Variants in CDH9 observed in about 807,000 individuals in gnomAD.
CDH9 encodes the protein cadherin 9.
In CDH9, 28 loss-of-function variants were observed where a neutral mutation model predicts 70.9. The observed-to-expected ratio is 0.40, with a 90% confidence interval of 0.29 to 0.54. CDH9 has a LOEUF of 0.54. Ranked by LOEUF, CDH9 falls within the 20% of genes least tolerant of loss-of-function variation. The pLI is 0.59. For missense variants in CDH9, 874 were observed against 984.4 expected, an observed-to-expected ratio of 0.89 and a Z score of 1.50; for synonymous variants, 409 against 343.1, an observed-to-expected ratio of 1.19 and a Z score of -2.12.
At chr5:26,971,934 G>T (rs564770924) in intron 2 of CDH9, among the ~76,000 whole-genome samples, 6 of 152,232 alleles carry the variant, frequency 3.9e-5, no homozygotes, top group Admixed American at 3.3e-4. Context: ...ACTATTCATA[G>T]AATAAAATGG....
chr5:27,021,423 C>A (rs374423483), intron 1 of CDH9, among the ~76,000 whole-genome samples: 2 of 151,734 alleles, frequency 1.3e-5, no homozygotes, highest in South Asian at 2.1e-4. Context: ...TAATTAAAAT[C>A]TCTTCCTAAA....
At chr5:26,993,465 T>G (rs1459986609) in intron 1 of CDH9, among the ~76,000 whole-genome samples, 2 of 151,942 alleles carry the variant, frequency 1.3e-5, no homozygotes, top group African/African-American at 4.8e-5. Flanking sequence ...TCTGAAAAAT[T>G]TTCAGGCTAT....
At chr5:26,916,190 T>C in intron 2 of CDH9, among the ~76,000 whole-genome samples, 1 of 151,978 alleles carries the variant, frequency 6.6e-6, no homozygotes, top group East Asian at 1.9e-4. Context: ...AAGATATTTA[T>C]GAATAAAATG....
intron 1 of CDH9, among the ~76,000 whole-genome samples, chr5:26,992,336 A>C (rs1380862623): frequency 1.3e-5 from 2 of 152,112 alleles, no homozygotes; most frequent in Non-Finnish European, 2.9e-5. Context: ...TGATTATGTC[A>C]TGGAGGTAGA....
In CDH9 at chr5:26,952,106, G is replaced by A. The variant is rs150645605; in HGVS notation, c.228+36000C>T. On this transcript the variant is annotated intron_variant, in intron 2 of 11. Coordinates refer to ENST00000231021, the MANE Select transcript of CDH9 (RefSeq NM_016279.4). ...AGCCTCCCTAGTGGCTGAGATGACA[G>A]GTGCCTGTCACCACACCTGGCTAAT... Among the ~76,000 whole-genome samples the A allele has an allele frequency of 4.4e-3, 663 of 150,964 alleles. 4 individuals are homozygous for A. The highest frequency in any genetic ancestry group is 0.015 in the African/African-American group (621 of 41,246).
intron 1 of CDH9, among the ~76,000 whole-genome samples, chr5:27,001,836 A>ACTCTCTCTCTCTCTCTCT (rs1422833082): frequency 2.4e-5 from 3 of 124,720 alleles, no homozygotes; most frequent in African/African-American, 1.1e-4. Context: ...ACATACACAC[A>ACTCTCTCTCTCTCTCTCT]CACACACACT....
At chr5:27,001,084 G>C (rs1742759302) in intron 1 of CDH9, among the ~76,000 whole-genome samples, 1 of 151,966 alleles carries the variant, frequency 6.6e-6, no homozygotes, top group South Asian at 2.1e-4. Flanking sequence ...TTATATAAAG[G>C]CTTATTATGA....
At chr5:27,033,463 CATAG>C (rs762438152) in intron 1 of CDH9, among the ~76,000 whole-genome samples, 15 of 116,496 alleles carry the variant, frequency 1.3e-4, no homozygotes, top group South Asian at 2.3e-4. Flanking sequence ...GATATAAAGA[CATAG>C]ATAGACAGAC....
At chr5:26,919,194 G>A (rs914590955) in intron 2 of CDH9, among the ~76,000 whole-genome samples, 15 of 152,102 alleles carry the variant, frequency 9.9e-5, no homozygotes, top group African/African-American at 3.6e-4. Flanking sequence ...GTCTTGAATT[G>A]GCTGGACCAC....
intron 2 of CDH9, among the ~76,000 whole-genome samples, chr5:26,983,478 G>C (rs186338005): frequency 5.7e-4 from 87 of 152,282 alleles, no homozygotes; most frequent in African/African-American, 2.0e-3. Context: ...TGATTACACA[G>C]TATTGGCAGT....
At chr5:27,028,133 C>T (rs919468684) in intron 1 of CDH9, 5 of 152,040 alleles carry the variant, frequency 3.3e-5, no homozygotes, top group Non-Finnish European at 7.3e-5. Context: ...AATCCTAGCA[C>T]TTTGGGAAGC....
chr5:26,934,945 A>AC (rs1741532758), intron 2 of CDH9, among the ~76,000 whole-genome samples: 1 of 149,174 alleles, frequency 6.7e-6, no homozygotes, highest in South Asian at 2.1e-4. Flanking sequence ...AAAAAAAAAA[A>AC]CACAGACCAG....
intron 2 of CDH9, among the ~76,000 whole-genome samples, chr5:26,946,844 T>C (rs575918439): frequency 1.3e-5 from 2 of 152,238 alleles, no homozygotes; most frequent in East Asian, 1.9e-4. Context: ...AATAAATGAC[T>C]ACCGAATCCT....
intron 2 of CDH9, among the ~76,000 whole-genome samples, chr5:26,919,897 C>T (rs189673754): frequency 9.2e-5 from 14 of 152,252 alleles, no homozygotes; most frequent in African/African-American, 3.1e-4. Flanking sequence ...GGTAGGCAAG[C>T]AACACTTGCT....
chr5:26,974,771 C>G (rs1189597196), intron 2 of CDH9, among the ~76,000 whole-genome samples: 1 of 151,978 alleles, frequency 6.6e-6, no homozygotes, highest in Non-Finnish European at 1.5e-5. Flanking sequence ...AGTGAGCACA[C>G]TTAACCTAAT....
chr5:27,016,065 A>G (rs1406472446), intron 1 of CDH9, among the ~76,000 whole-genome samples: 1 of 151,772 alleles, frequency 6.6e-6, no homozygotes, highest in Non-Finnish European at 1.5e-5. Flanking sequence ...ACATTCCCAC[A>G]TAATTTAATA....
intron 2 of CDH9, among the ~76,000 whole-genome samples, chr5:26,927,975 A>T (rs909529419): frequency 6.6e-6 from 1 of 152,112 alleles, no homozygotes; most frequent in Non-Finnish European, 1.5e-5. Flanking sequence ...AGGAGAAAAC[A>T]GTTGACTCTG....
At chr5:26,932,656 C>T (rs373383365) in intron 2 of CDH9, among the ~76,000 whole-genome samples, 12 of 152,104 alleles carry the variant, frequency 7.9e-5, no homozygotes, top group South Asian at 4.1e-4. Context: ...ATATTTAAAG[C>T]GTGTTTATTG....
At chr5:26,912,020 G>A (rs1396483322) in intron 3 of CDH9, among the ~76,000 whole-genome samples, 2 of 151,940 alleles carry the variant, frequency 1.3e-5, no homozygotes, top group Admixed American at 6.6e-5. Context: ...GATAAATAGA[G>A]ATCAACAGAA....
Sources: allele counts gnomAD v4.1 joint callset (sites outside exome capture counted in the v4.1 genomes callset), GRCh38; gene constraint gnomAD v4.1.1; transcripts MANE v1.5; gene names NCBI Gene and HGNC (gene_info 2026-07-23, HGNC 2026-07-21).